ST6GALNAC5: variants seen among roughly 807,000 people sequenced by gnomAD.
ST6GALNAC5 encodes ST6 N-acetylgalactosaminide alpha-2,6-sialyltransferase 5.
A neutral mutation model predicts 33.6 loss-of-function variants in ST6GALNAC5; 27 were observed. The ratio of observed to expected loss-of-function variants is 0.80; its 90% CI spans 0.59 to 1.11. The LOEUF is 1.11. Ranked by LOEUF, ST6GALNAC5 falls within the 50% of genes least tolerant of loss-of-function variation. The pLI is 0.00. For missense variants in ST6GALNAC5, 428 were observed against 454.0 expected (o/e 0.94, Z 0.52); for synonymous variants, 194 against 171.2 (o/e 1.13, Z -1.04).
chr1:76,896,815 G>T (rs969127039), intron 2 of ST6GALNAC5, among the ~76,000 whole-genome samples: 1 of 152,130 alleles, frequency 6.6e-6, no homozygotes, highest in Non-Finnish European at 1.5e-5. Flanking sequence ...CATAGTTTGT[G>T]ATTTTTAGGG....
At chr1:76,889,285 A>G (rs1653964415) in intron 2 of ST6GALNAC5, among the ~76,000 whole-genome samples, 1 of 152,094 alleles carries the variant, frequency 6.6e-6, no homozygotes, top group African/African-American at 2.4e-5. Flanking sequence ...TATTAGCATT[A>G]TTGTGGTTGT....
intron 2 of ST6GALNAC5, among the ~76,000 whole-genome samples, chr1:76,939,179 G>T (rs1647266516): frequency 6.6e-6 from 1 of 152,040 alleles, no homozygotes; most frequent in Non-Finnish European, 1.5e-5. Context: ...TTAGGAGGTT[G>T]AGTGCCGTTG....
At chr1:76,983,460 C>A (rs543576863) in intron 2 of ST6GALNAC5, among the ~76,000 whole-genome samples, 1 of 152,162 alleles carries the variant, frequency 6.6e-6, no homozygotes, top group African/African-American at 2.4e-5. Context: ...ACCAGAAGAG[C>A]TAACTATCCT....
intron 2 of ST6GALNAC5, among the ~76,000 whole-genome samples, chr1:76,986,044 C>T (rs1188657244): frequency 1.3e-5 from 2 of 152,026 alleles, no homozygotes; most frequent in African/African-American, 4.8e-5. Context: ...GACCTAAAAC[C>T]ATAAAAACCC....
intron 2 of ST6GALNAC5, among the ~76,000 whole-genome samples, chr1:76,898,158 C>T (rs1458545022): frequency 1.3e-5 from 2 of 152,172 alleles, no homozygotes; most frequent in South Asian, 2.1e-4. Context: ...GGGTCTCACA[C>T]AGATGGGATA....
chr1:76,881,229 G>A (rs992622401), intron 2 of ST6GALNAC5, among the ~76,000 whole-genome samples: 7 of 152,124 alleles, frequency 4.6e-5, no homozygotes, highest in Admixed American at 3.3e-4. Context: ...ACTTTTGGGG[G>A]GAGGTATGTG....
chr1:76,872,470 C>T (rs1335097462), intron 2 of ST6GALNAC5, among the ~76,000 whole-genome samples: 1 of 152,062 alleles, frequency 6.6e-6, no homozygotes, highest in African/African-American at 2.4e-5. Context: ...TGGTTCTTTC[C>T]ATTTTTAGGC....
intron 2 of ST6GALNAC5, among the ~76,000 whole-genome samples, chr1:77,013,040 G>A (rs1650698068): frequency 6.6e-6 from 1 of 152,160 alleles, no homozygotes; most frequent in African/African-American, 2.4e-5. Flanking sequence ...AGTTACCCAG[G>A]CTGATATGCA....
intron 2 of ST6GALNAC5, among the ~76,000 whole-genome samples, chr1:76,942,775 T>C (rs1557731466): frequency 6.6e-6 from 1 of 152,070 alleles, no homozygotes; most frequent in East Asian, 1.9e-4. Context: ...GGGGATGACG[T>C]GTTTGGCAGA....
At chr1:77,035,898 C>T (rs1352521278) in intron 2 of ST6GALNAC5, among the ~76,000 whole-genome samples, 1 of 152,076 alleles carries the variant, frequency 6.6e-6, no homozygotes, top group Non-Finnish European at 1.5e-5. Context: ...AATTCCCCTG[C>T]TAGACTTCCA....
At chr1:77,032,313 C>G (rs956301591) in intron 2 of ST6GALNAC5, among the ~76,000 whole-genome samples, 3 of 152,130 alleles carry the variant, frequency 2.0e-5, no homozygotes, top group Non-Finnish European at 2.9e-5. Flanking sequence ...GAAAGCCACT[C>G]TGGCTGGTAT....
intron 2 of ST6GALNAC5, among the ~76,000 whole-genome samples, chr1:76,953,205 T>C (rs1399997405): frequency 1.3e-5 from 2 of 152,130 alleles, no homozygotes; most frequent in East Asian, 3.9e-4. Flanking sequence ...CTGGGATAAG[T>C]GCCTAAAACT....
rs540593281 is a variant in ST6GALNAC5 at position 77,052,982 on chromosome 1, G to T, written c.779+2617G>T. Among the ~76,000 whole-genome samples the T allele has an allele frequency of 2.0e-5, 3 of 150,168 alleles. No homozygotes were observed. In the South Asian group the frequency reaches 6.3e-4, roughly 32 times the overall value. ...TCAAAGACACAGCTTCTTGCCTCCT[G>T]GAGGCTTATAATAAGCCTTACCCAT... On this transcript the variant is annotated intron_variant, in intron 4 of 4. Transcript: ENST00000477717.
intron 2 of ST6GALNAC5, among the ~76,000 whole-genome samples, chr1:77,042,780 G>A (rs541631215): frequency 1.1e-4 from 17 of 152,272 alleles, no homozygotes; most frequent in South Asian, 8.3e-4. Flanking sequence ...AATCGAATAC[G>A]GTATCTATCT....
intron 2 of ST6GALNAC5, among the ~76,000 whole-genome samples, chr1:76,877,681 C>T (rs947871783): frequency 6.6e-6 from 1 of 152,236 alleles, no homozygotes; most frequent in African/African-American, 2.4e-5. Flanking sequence ...GTGTTTGCTA[C>T]TTCTTGCTCA....
rs539770570 is a variant in ST6GALNAC5, at chr1:76,938,678, T to A, written c.261+69936T>A. 3.3e-5 allele frequency among the ~76,000 whole-genome samples: 5 copies of A among 152,194 alleles called. No individual in the cohort carries two copies. The East Asian group carries it at 9.7e-4, about 30-fold the overall frequency. On this transcript the variant is annotated intron_variant, in intron 2 of 4. Transcript: ENST00000477717. ...TTCATTTGTAAAGCTATCTCTACTG[T>A]AGTAGTTTCTACCAGAAGACATCTA...
intron 2 of ST6GALNAC5, among the ~76,000 whole-genome samples, chr1:76,919,885 C>A (rs1647013632): frequency 6.6e-6 from 1 of 151,762 alleles, no homozygotes; most frequent in African/African-American, 2.4e-5. Context: ...ATCTTTTAGC[C>A]TTGTACAAGA....
At chr1:76,898,970 T>A (rs1201147380) in intron 2 of ST6GALNAC5, among the ~76,000 whole-genome samples, 1 of 151,960 alleles carries the variant, frequency 6.6e-6, no homozygotes, top group East Asian at 1.9e-4. Flanking sequence ...TGGGATGAGT[T>A]GCATTGGGAA....
rs1270230953 is a variant in ST6GALNAC5 at position 77,065,324 on chromosome 1, A to G, written c.*2118A>G. The G allele has an allele frequency of 6.6e-6, 1 of 152,120 alleles. No individual in the cohort carries two copies. The highest frequency in any genetic ancestry group is 1.5e-5 in the Non-Finnish European group (1 of 68,026). The allele number at this position is 152,120 out of a possible 1,614,324, so 9.4% of individuals were successfully genotyped here. A position where few individuals can be genotyped will look rare whatever the true frequency, so the allele number is the denominator to read the frequency against. On this transcript the variant is annotated 3_prime_UTR_variant, in exon 5 of 5. Transcript: ENST00000477717. Reference sequence around the variant, plus strand: ...ATTGCTTCATCTAATAATATCTCACATATCTGTCTATCTTCAGATTTTAGA... The same window carrying G: ...ATTGCTTCATCTAATAATATCTCACGTATCTGTCTATCTTCAGATTTTAGA...
Sources: allele counts gnomAD v4.1 joint callset (sites outside exome capture counted in the v4.1 genomes callset), GRCh38; gene constraint gnomAD v4.1.1; transcripts MANE v1.5; gene names NCBI Gene and HGNC (gene_info 2026-07-23, HGNC 2026-07-21).